The following GCA variants were observed in gnomAD, a reference collection of about 807,000 sequenced individuals.
GCA encodes the protein grancalcin, EF-hand calcium-binding protein.
In GCA, 30 loss-of-function variants were observed where a neutral mutation model predicts 32.6. The observed-to-expected ratio is 0.92, with a 90% CI of 0.69 to 1.25. The LOEUF (loss-of-function observed/expected upper bound fraction) is 1.25. GCA is among the 50% of genes most tolerant of loss of function. The probability of loss-of-function intolerance (pLI) is 0.00; values close to 1 mark genes in which losing one functional copy is unlikely to be tolerated. For missense variants in GCA, 291 were observed against 266.8 expected (o/e 1.09, Z -0.63); for synonymous variants, 102 against 84.6 (o/e 1.21, Z -1.13).
chr2:162,361,483 T>C lies in GCA; in HGVS notation c.*1240T>C, dbSNP rs1269753418. The C allele has an allele frequency of 1.0e-6, 1 of 975,190 alleles. No individual in the cohort carries two copies. 60.4% of individuals were successfully genotyped at this position (975,190 alleles called of 1,614,324 possible). ...CATAATTTTATGACTGCTGACCAAA[T>C]TAATTTATAGATTTTATAAAATCCC... is the stretch of plus-strand genomic sequence containing the variant. On this transcript the variant is annotated 3_prime_UTR_variant, in exon 8 of 8. Transcript: ENST00000437150.
At chr2:162,368,251 CA>C (rs1232574072) in intron 4 of GCA, among the ~76,000 whole-genome samples, 1 of 151,790 alleles carries the variant, frequency 6.6e-6, no homozygotes, top group African/African-American at 2.4e-5. Flanking sequence ...ATGATAGAAA[CA>C]TATTTGTTTT....
At chr2:162,342,906 C>T (rs565529527), upstream of GCA, among the ~76,000 whole-genome samples, 1 of 152,288 alleles carries the variant, frequency 6.6e-6, no homozygotes, top group Admixed American at 6.5e-5. Flanking sequence ...TTTACCCTTC[C>T]CCTCTATTTA....
chr2:162,346,412 C>G (rs1684710821), intron 1 of GCA, among the ~76,000 whole-genome samples: 1 of 152,190 alleles, frequency 6.6e-6, no homozygotes, highest in Non-Finnish European at 1.5e-5. Context: ...TGATGGTTAC[C>G]AATTCTTTAC....
intron 1 of GCA, among the ~76,000 whole-genome samples, chr2:162,323,591 T>G (rs902637604): frequency 1.3e-5 from 2 of 151,922 alleles, no homozygotes; most frequent in Non-Finnish European, 2.9e-5. Flanking sequence ...TTGTATAAGG[T>G]GTAAGGAAGG....
intron 4 of GCA, chr2:162,371,198 A>T (rs1017666575): frequency 2.5e-6 from 1 of 394,550 alleles, no homozygotes; most frequent in Non-Finnish European, 4.8e-6. Context: ...CATAATTTTA[A>T]ATAGAAAGAC....
Position 162,347,731 on chromosome 2 carries a change from G to A in GCA, c.181G>A (p.Val61Ile). 1 of 1,539,038 alleles carries A rather than the reference G, an allele frequency of 6.5e-7. No individual in the cohort carries two copies. The highest frequency in any genetic ancestry group is 8.8e-7 in the Non-Finnish European group (1 of 1,138,484). Residue 61 changes from valine to isoleucine, a missense_variant, in exon 2 of 8, where the codon GTT (valine) becomes ATT (isoleucine). Transcript: ENST00000437150. Reference sequence around the variant, plus strand: ...CTCCGTGTATACTTACTTCAGTGCTGTTGCTGGACAGGTGAGATGCTAAAT... The same window carrying A: ...CTCCGTGTATACTTACTTCAGTGCTATTGCTGGACAGGTGAGATGCTAAAT... ...GDSVYTYFSA[V>I]AGQDGEVDAE...
In GCA at chr2:162,360,594, C is replaced by G. The variant is rs925269019; in HGVS notation, c.*351C>G. 3.4e-6 allele frequency: 4 copies of G among 1,164,408 alleles called. No homozygotes were observed. The African/African-American group carries it at 6.4e-5, about 19-fold the overall frequency. 72.1% of individuals were successfully genotyped at this position (1,164,408 alleles called of 1,614,324 possible). A position where few individuals can be genotyped will look rare whatever the true frequency, so the allele number is the denominator to read the frequency against. ...GTATAAGAAGCCAAATAATGAAAGC[C>G]TAGAAAAAACTAATTTATACTTATC... is the stretch of plus-strand genomic sequence containing the variant. On this transcript the variant is annotated 3_prime_UTR_variant, in exon 8 of 8. Transcript: ENST00000437150.
rs1685511255 is a variant in GCA, at chr2:162,360,307, A to G, written c.*64A>G. 12 of 1,552,442 alleles carry G rather than the reference A, an allele frequency of 7.7e-6. No individual in the cohort carries two copies. Among genetic ancestry groups the G allele is most frequent in the African/African-American group, 1.4e-5 (1 of 70,962 alleles). ...CTTTTGTTTGGAAGAAGTGAACTGG[A>G]CTACTTTAAAACTTTTAAGGGTTTT... is the stretch of plus-strand genomic sequence containing the variant. On this transcript the variant is annotated 3_prime_UTR_variant, in exon 8 of 8. Transcript: ENST00000437150.
rs189788249 is a variant in GCA, at chr2:162,325,847, C to A, written c.-31+6622C>A. 4.5e-3 allele frequency among the ~76,000 whole-genome samples: 684 copies of A among 152,266 alleles called. 8 individuals are homozygous for A. The highest frequency in any genetic ancestry group is 0.016 in the African/African-American group (648 of 41,546). ...AAAGCCTCTATATATCTATCAGGGT[C>A]ATCTGAAAACTTGCCAAGGTCCCCC... On this transcript the variant is annotated intron_variant, in intron 1 of 4. Transcript: ENST00000429691.
At chr2:162,326,457 A>G (rs1475750188) in intron 1 of GCA, among the ~76,000 whole-genome samples, 2 of 152,182 alleles carry the variant, frequency 1.3e-5, no homozygotes, top group Non-Finnish European at 2.9e-5. Context: ...GGTGAAGAGA[A>G]CTAGTTGCCC....
At chr2:162,356,705 A>G (rs1558901491) in intron 4 of GCA, 53 bp from the exon 5 acceptor site, 1 of 1,354,730 alleles carries the variant, frequency 7.4e-7, no homozygotes, top group East Asian at 2.3e-5. Context: ...TCAATGATTT[A>G]GAGTCAGATA....
intron 2 of GCA, among the ~76,000 whole-genome samples, chr2:162,348,019 G>A (rs1488382901): frequency 1.3e-5 from 2 of 151,984 alleles, no homozygotes; most frequent in Admixed American, 6.6e-5. Context: ...GTATGCTTGC[G>A]TTACTGAAAT....
At chr2:162,354,555 T>C (rs1012874847) in intron 3 of GCA, among the ~76,000 whole-genome samples, 1 of 152,186 alleles carries the variant, frequency 6.6e-6, no homozygotes, top group African/African-American at 2.4e-5. Context: ...ATATGAGGCT[T>C]AGAATGCTCC....
upstream of GCA, chr2:162,318,998 A>T (rs946518439): frequency 8.4e-5 from 31 of 366,928 alleles, no homozygotes; most frequent in Non-Finnish European, 3.3e-5. Context: ...CCAAAGGGGA[A>T]GTGAACAGAA....
chr2:162,360,819 A>G lies in GCA; in HGVS notation c.*576A>G. The G allele has an allele frequency of 2.4e-6, 3 of 1,231,906 alleles. No homozygotes were observed. The highest frequency in any genetic ancestry group is 3.1e-6 in the Non-Finnish European group (3 of 968,210). 76.3% of individuals were successfully genotyped at this position (1,231,906 alleles called of 1,614,324 possible). Reference sequence around the variant, plus strand: ...CTAGTTCAATCTGTAGTGAAATAAGACTACAGAAGGCATTGTTTTTTCCTT... The same window carrying G: ...CTAGTTCAATCTGTAGTGAAATAAGGCTACAGAAGGCATTGTTTTTTCCTT... On this transcript the variant is annotated 3_prime_UTR_variant, in exon 8 of 8. Transcript: ENST00000437150.
chr2:162,370,105 G>A (rs969931025), intron 4 of GCA, among the ~76,000 whole-genome samples: 4 of 152,100 alleles, frequency 2.6e-5, no homozygotes, highest in Non-Finnish European at 4.4e-5. Context: ...TACATAGGGA[G>A]CAATCTAAGG....
At chr2:162,321,390 A>G (rs1166480622) in intron 1 of GCA, among the ~76,000 whole-genome samples, 1 of 152,206 alleles carries the variant, frequency 6.6e-6, no homozygotes, top group African/African-American at 2.4e-5. Context: ...AGTAGTAACA[A>G]TATGAGCTGC....
chr2:162,322,318 C>T (rs761462063), intron 1 of GCA, among the ~76,000 whole-genome samples: 1 of 151,616 alleles, frequency 6.6e-6, no homozygotes, highest in Non-Finnish European at 1.5e-5. Context: ...AAAACAGTTA[C>T]CTGCAAATGT....
chr2:162,344,226 T>A lies in GCA; in HGVS notation c.-23T>A, dbSNP rs764942681. Reference sequence around the variant, plus strand: ...TGCGGACGCGACTCGAGGGTGACGCTCGCTCCGCTCGTCCCGCTCGTCATG... The same window carrying A: ...TGCGGACGCGACTCGAGGGTGACGCACGCTCCGCTCGTCCCGCTCGTCATG... On this transcript the variant is annotated 5_prime_UTR_variant, in exon 1 of 8. Transcript: ENST00000437150. 2.5e-6 allele frequency: 4 copies of A among 1,613,610 alleles called. No homozygotes were observed. In the Admixed American group the frequency reaches 6.7e-5, roughly 27 times the overall value.
Sources: allele counts gnomAD v4.1 joint callset (sites outside exome capture counted in the v4.1 genomes callset), GRCh38; gene constraint gnomAD v4.1.1; transcripts MANE v1.5; gene names NCBI Gene and HGNC (gene_info 2026-07-23, HGNC 2026-07-21).